Variants in PUM1 observed in about 807,000 individuals in gnomAD.
PUM1 encodes pumilio homolog 1.
PUM1 carries 13 observed loss-of-function variants against 131.8 expected under a neutral mutation model. That is an observed-to-expected ratio of 0.10 (90% CI 0.06 to 0.16). PUM1 has a LOEUF of 0.16. Among genes scored for constraint, PUM1 ranks in the 10% least tolerant of loss-of-function variants. PUM1 has a pLI of 1.00. For missense variants in PUM1, 961 were observed against 1,512.4 expected (o/e 0.64, Z 6.05); for synonymous variants, 509 against 556.5 (o/e 0.91, Z 1.20).
Position 30,997,517 on chromosome 1 carries a change from A to T in PUM1, c.721-2297T>A, listed in dbSNP as rs372345423. Among the ~76,000 whole-genome samples, 1,099 of 135,140 alleles carry T rather than the reference A, an allele frequency of 8.1e-3. 7 individuals are homozygous for T. Among genetic ancestry groups the T allele is most frequent in the Non-Finnish European group, 0.012 (751 of 62,986 alleles). The allele number at this position is 135,140 out of a possible 152,430, so 88.7% of individuals were successfully genotyped here. On this transcript the variant is annotated intron_variant, in intron 5 of 21. Transcript: ENST00000426105. ...CGTCTTTTTTTTTTTTTTTTTTTTT[A>T]AAGGAAAGAAAGGAGGATAAAGCAG...
chr1:30,949,947 T>C (rs1214896605), intron 17 of PUM1, among the ~76,000 whole-genome samples, 180 bp downstream of exon 17: 3 of 152,218 alleles, frequency 2.0e-5, no homozygotes, highest in Admixed American at 6.5e-5. Context: ...TACAAGATAC[T>C]TGATCTGCAA....
intron 14 of PUM1, among the ~76,000 whole-genome samples, chr1:30,954,996 T>C (rs973016988): frequency 1.1e-4 from 17 of 151,244 alleles, no homozygotes; most frequent in African/African-American, 3.9e-4. Flanking sequence ...CTGAGCCCAG[T>C]AGGTCGAGGC....
intron 3 of PUM1, among the ~76,000 whole-genome samples, chr1:31,026,382 T>C (rs1643223711): frequency 1.3e-5 from 2 of 152,282 alleles, no homozygotes; most frequent in South Asian, 4.1e-4. Context: ...AACTAGAAGA[T>C]GCTTTTTAAG....
intron 12 of PUM1, 76 bp downstream of exon 12, chr1:30,967,091 C>G: frequency 6.5e-7 from 1 of 1,548,700 alleles, no homozygotes; most frequent in Non-Finnish European, 8.8e-7. Context: ...AAGTTTATTT[C>G]AACATACTTT....
At chr1:31,050,180 C>T (rs954873668) in intron 2 of PUM1, among the ~76,000 whole-genome samples, 25 of 152,028 alleles carry the variant, frequency 1.6e-4, no homozygotes, top group Admixed American at 3.3e-4. Context: ...AAGTTATAAT[C>T]AGGCTAGGTT....
chr1:31,044,309 G>A (rs891645554), intron 2 of PUM1, among the ~76,000 whole-genome samples: 1 of 152,180 alleles, frequency 6.6e-6, no homozygotes, highest in Non-Finnish European at 1.5e-5. Flanking sequence ...GCTGAGGCAA[G>A]AGAATGGCGG....
rs12033888 is a variant in PUM1 at position 30,992,185 on chromosome 1, C to G, written c.1158+205G>C. ...AACCAAAGGAAGTACATACAGAGGA[C>G]GGTGGCCTCTTGCCAGTGACCTCAG... On this transcript the variant is annotated intron_variant, in intron 7 of 21. Transcript: ENST00000426105. 0.28 allele frequency among the ~76,000 whole-genome samples: 43,318 copies of G among 152,048 alleles called. 8,009 individuals carry two copies. Among genetic ancestry groups the G allele is most frequent in the East Asian group, 0.53 (2,734 of 5,158 alleles).
chr1:31,047,806 T>C (rs555802258), intron 2 of PUM1, among the ~76,000 whole-genome samples: 46 of 152,180 alleles, frequency 3.0e-4, no homozygotes, highest in African/African-American at 1.0e-3. Flanking sequence ...GCTGGGCATG[T>C]TGGCACATGC....
At chr1:31,038,975 TATATA>T (rs1557599194) in intron 2 of PUM1, among the ~76,000 whole-genome samples, 6 of 36,884 alleles carry the variant, frequency 1.6e-4, no homozygotes, top group African/African-American at 8.4e-4. Flanking sequence ...TATATATATA[TATATA>T]TATATTTTTT....
At chr1:31,023,784 G>A (rs1643120624) in intron 3 of PUM1, among the ~76,000 whole-genome samples, 1 of 152,032 alleles carries the variant, frequency 6.6e-6, no homozygotes, top group Non-Finnish European at 1.5e-5. Context: ...AAAATTAGCT[G>A]GGTGTGTGGT....
In PUM1 at chr1:31,006,351, A is replaced by G. The variant is rs144555523; in HGVS notation, c.542-320T>C. The stretch of plus-strand genomic sequence containing the variant: ...ATTTTATTAGTATTACTAAAACAAA[A>G]TATGATTTTACTGCCCTTTTTAAAA... On this transcript the variant is annotated intron_variant, in intron 4 of 21. Coordinates refer to ENST00000426105, the MANE Select transcript of PUM1 (RefSeq NM_001020658.2). Among the ~76,000 whole-genome samples, 1,122 of 152,330 alleles carry G rather than the reference A, an allele frequency of 7.4e-3. 7 individuals are homozygous for G. Among genetic ancestry groups the G allele is most frequent in the Middle Eastern group, 0.017 (5 of 294 alleles).
intron 3 of PUM1, among the ~76,000 whole-genome samples, chr1:31,027,045 G>A (rs1643250171): frequency 6.6e-6 from 1 of 151,456 alleles, no homozygotes; most frequent in Admixed American, 6.6e-5. Flanking sequence ...ACCCTCTACT[G>A]AAATTGTTTG....
chr1:30,990,219 T>C (rs572482170), intron 7 of PUM1, among the ~76,000 whole-genome samples: 63 of 152,338 alleles, frequency 4.1e-4, no homozygotes, highest in Non-Finnish European at 7.2e-4. Context: ...TGAAACCTTG[T>C]TCTGCTAAAG....
chr1:30,933,475 CACACACACA>C, intron 21 of PUM1, 133 bp from the exon 22 acceptor site: 4 of 862,574 alleles, frequency 4.6e-6, no homozygotes, highest in Non-Finnish European at 7.3e-6. Context: ...CACACACACA[CACACACACA>C]CCCCTACAGC....
At chr1:31,058,995 A>G (rs1374875705) in intron 2 of PUM1, among the ~76,000 whole-genome samples, 5 of 152,168 alleles carry the variant, frequency 3.3e-5, no homozygotes, top group Non-Finnish European at 7.4e-5. Flanking sequence ...GAATGAATGA[A>G]TGAATGAATT....
At position 30,966,413 on chromosome 1, in the gene PUM1, C is replaced by A. The variant is rs1640621906; in HGVS notation, c.1790-135G>T. 4.8e-6 allele frequency: 4 copies of A among 836,710 alleles called. No individual in the cohort carries two copies. In the African/African-American group the frequency reaches 5.2e-5, roughly 11 times the overall value. The allele number at this position is 836,710 out of a possible 1,614,324, so 51.8% of individuals were successfully genotyped here. On this transcript the variant is annotated intron_variant, in intron 12 of 21. Transcript: ENST00000426105. ...ACAGACACAAACCATACAAATCTGTCTTTGATCCCTTCATATGAAGCTTCT... is the reference window on the plus strand; with the variant it reads ...ACAGACACAAACCATACAAATCTGTATTTGATCCCTTCATATGAAGCTTCT...
intron 8 of PUM1, 53 bp from the exon 9 acceptor site, chr1:30,980,216 T>C: frequency 7.3e-7 from 1 of 1,373,326 alleles, no homozygotes; most frequent in Non-Finnish European, 1.0e-6. Flanking sequence ...ACTGCAGCCC[T>C]ATCAAATACC....
intron 14 of PUM1, among the ~76,000 whole-genome samples, chr1:30,962,915 T>C (rs955054409): frequency 1.8e-4 from 27 of 152,174 alleles, no homozygotes; most frequent in African/African-American, 6.3e-4. Flanking sequence ...GTATGTAGTA[T>C]GGGATGACAT....
intron 2 of PUM1, 140 bp from the exon 3 acceptor site, chr1:31,029,004 GA>G: frequency 1.5e-6 from 1 of 684,034 alleles, no homozygotes; most frequent in East Asian, 2.7e-5. Flanking sequence ...GTGACTAAGA[GA>G]TTAAACATTC....
Sources: gnomAD v4.1 joint callset for allele counts (sites outside exome capture counted in the v4.1 genomes callset) on GRCh38, gnomAD v4.1.1 for gene constraint, MANE v1.5 for transcripts, NCBI Gene and HGNC (gene_info 2026-07-23, HGNC 2026-07-21) for gene names.